Variants in PCNX1 observed in about 807,000 individuals in gnomAD.
PCNX1 encodes the protein pecanex-like protein 1.
Under a neutral mutation model 242.2 loss-of-function variants are expected in PCNX1, and 78 were observed. The ratio of observed to expected loss-of-function variants is 0.32; its 90% CI spans 0.27 to 0.39. PCNX1 has a LOEUF of 0.39. Among genes scored for constraint, PCNX1 ranks in the 10% least tolerant of loss-of-function variants. The pLI, the probability that PCNX1 is intolerant of heterozygous loss-of-function variation, is 1.00. For missense variants in PCNX1, 2,581 were observed against 2,856.5 expected (o/e 0.90, Z 2.20); for synonymous variants, 1,024 against 1,032.9 (o/e 0.99, Z 0.17).
intron 32 of PCNX1, among the ~76,000 whole-genome samples, chr14:71,104,264 A>G (rs1219182220): frequency 2.0e-5 from 3 of 152,212 alleles, no homozygotes; most frequent in Non-Finnish European, 2.9e-5. Flanking sequence ...ATTGCAGAAC[A>G]TAAGGGTTGT....
intron 26 of PCNX1, among the ~76,000 whole-genome samples, chr14:71,072,835 G>A (rs1307197523): frequency 2.0e-5 from 3 of 152,056 alleles, no homozygotes; most frequent in Non-Finnish European, 2.9e-5. Context: ...ATCTGTTTTT[G>A]TATTTTTACT....
chr14:70,948,324 A>G (rs1178553112), intron 2 of PCNX1, among the ~76,000 whole-genome samples: 1 of 152,152 alleles, frequency 6.6e-6, no homozygotes, highest in African/African-American at 2.4e-5. Context: ...TCCCCTGGAC[A>G]GCCAGTTTTA....
intron 28 of PCNX1, 36 bp downstream of exon 28, chr14:71,076,455 G>A: frequency 7.2e-7 from 1 of 1,394,178 alleles, no homozygotes; most frequent in Admixed American, 1.7e-5. Flanking sequence ...TTTGAATCCA[G>A]GTTTTTCCAA....
At chr14:70,908,305 C>T (rs919743954) in intron 1 of PCNX1, among the ~76,000 whole-genome samples, 4 of 152,084 alleles carry the variant, frequency 2.6e-5, no homozygotes, top group Admixed American at 1.3e-4. Context: ...TCGGCTAGGC[C>T]GTCCCCGCCG....
intron 1 of PCNX1, among the ~76,000 whole-genome samples, chr14:70,912,459 A>G (rs1423076189): frequency 6.6e-6 from 1 of 152,050 alleles, no homozygotes; most frequent in Non-Finnish European, 1.5e-5. Context: ...CCTGACTGAC[A>G]TCCAGCTGCT....
intron 1 of PCNX1, among the ~76,000 whole-genome samples, chr14:70,939,516 T>C (rs2057147898): frequency 6.6e-6 from 1 of 152,252 alleles, no homozygotes; most frequent in African/African-American, 2.4e-5. Context: ...ATAACTTCTG[T>C]TGTTTTACAT....
At position 71,047,803 on chromosome 14, in the gene PCNX1, A is replaced by G. The variant is rs777029294; in HGVS notation, c.4161-4A>G. On this transcript the variant is annotated splice_region_variant and splice_polypyrimidine_tract_variant and intron_variant, in intron 21 of 35. Coordinates refer to ENST00000304743, the MANE Select transcript of PCNX1 (RefSeq NM_014982.3). ...AGTTGATTTGTGTTTTCTTTGTGCC[A>G]CAGATTAGGTGCTTTAATGATCACT... is the stretch of plus-strand genomic sequence containing the variant. 6.3e-7 allele frequency: 1 copy of G among 1,594,240 alleles called. No homozygotes were observed. The highest frequency in any genetic ancestry group is 8.6e-7 in the Non-Finnish European group (1 of 1,168,848).
Position 70,977,760 on chromosome 14 carries a change from G to A in PCNX1, c.1423G>A (p.Glu475Lys), listed in dbSNP as rs1159003462. The A allele has an allele frequency of 6.2e-7, 1 of 1,614,086 alleles. No homozygotes were observed. Among genetic ancestry groups the A allele is most frequent in the African/African-American group, 1.3e-5 (1 of 75,020 alleles). ...HEAKDPTPSD[E>K]MHNQRGLSTS... ...GGCCAAGGACCCCACCCCCTCTGAT[G>A]AGATGCACAACCAGAGAGGTCTCAG... Residue 475 changes from glutamate (E) to lysine (K), a missense_variant, in exon 6 of 36, where the codon GAG becomes AAG. Transcript: ENST00000304743.
intron 33 of PCNX1, among the ~76,000 whole-genome samples, chr14:71,107,885 G>A (rs988278993): frequency 6.6e-6 from 1 of 152,168 alleles, no homozygotes; most frequent in African/African-American, 2.4e-5. Context: ...ATCATGTTTT[G>A]ATATGTGAAT....
At chr14:71,096,364 A>C (rs1256198684) in intron 30 of PCNX1, among the ~76,000 whole-genome samples, 5 of 152,036 alleles carry the variant, frequency 3.3e-5, no homozygotes, top group Non-Finnish European at 7.4e-5. Flanking sequence ...GCCTGTACTT[A>C]GGAGGCTAAG....
chr14:71,020,301 A>G (rs2060066188), intron 12 of PCNX1, among the ~76,000 whole-genome samples: 1 of 152,192 alleles, frequency 6.6e-6, no homozygotes, highest in African/African-American at 2.4e-5. Context: ...TATACCCAGT[A>G]ATGGGATTGC....
intron 30 of PCNX1, among the ~76,000 whole-genome samples, chr14:71,094,394 T>A (rs186860971): frequency 6.6e-6 from 1 of 152,208 alleles, no homozygotes; most frequent in Non-Finnish European, 1.5e-5. Context: ...TCAAGATGCA[T>A]CTAACTGTAC....
chr14:71,069,427 AATTTC>A (rs1315384953), intron 26 of PCNX1, among the ~76,000 whole-genome samples: 1 of 152,226 alleles, frequency 6.6e-6, no homozygotes, highest in Non-Finnish European at 1.5e-5. Flanking sequence ...ATGTTTGATT[AATTTC>A]ATTTCTATTA....
intron 28 of PCNX1, among the ~76,000 whole-genome samples, chr14:71,077,813 C>G (rs1224488002): frequency 6.6e-6 from 1 of 152,054 alleles, no homozygotes; most frequent in Non-Finnish European, 1.5e-5. Flanking sequence ...TTCTCAAATC[C>G]TTGAACTGAC....
chr14:71,025,033 G>A (rs1444703165), intron 13 of PCNX1, among the ~76,000 whole-genome samples: 3 of 152,114 alleles, frequency 2.0e-5, no homozygotes, highest in African/African-American at 7.2e-5. Context: ...GATTGTTTTA[G>A]TATCTACTGA....
intron 5 of PCNX1, among the ~76,000 whole-genome samples, chr14:70,975,053 A>G (rs1001634662): frequency 2.6e-5 from 4 of 152,124 alleles, no homozygotes; most frequent in African/African-American, 9.7e-5. Flanking sequence ...TTATTAATTT[A>G]TCAGAAGGAA....
At chr14:71,049,493 A>G (rs1230481140) in intron 22 of PCNX1, among the ~76,000 whole-genome samples, 2 of 152,146 alleles carry the variant, frequency 1.3e-5, no homozygotes, top group Non-Finnish European at 2.9e-5. Context: ...TCCTTTACAT[A>G]TTGTTACATA....
intron 20 of PCNX1, 53 bp from the exon 21 acceptor site, chr14:71,046,911 T>G: frequency 1.4e-6 from 2 of 1,442,962 alleles, no homozygotes; most frequent in Non-Finnish European, 1.8e-6. Flanking sequence ...CTCATCACAT[T>G]GACAAACTAT....
chr14:70,962,388 G>A (rs953227895), intron 3 of PCNX1, 57 bp downstream of exon 3: 11 of 879,168 alleles, frequency 1.3e-5, no homozygotes, highest in African/African-American at 6.6e-5. Flanking sequence ...GGTGGTCTCC[G>A]TTATTCTCGT....
Sources: allele counts gnomAD v4.1 joint callset (sites outside exome capture counted in the v4.1 genomes callset), GRCh38; gene constraint gnomAD v4.1.1; transcripts MANE v1.5; gene names NCBI Gene and HGNC (gene_info 2026-07-23, HGNC 2026-07-21).